The following GAPVD1 variants were observed in gnomAD, a reference collection of about 807,000 sequenced individuals.
GAPVD1 encodes GTPase activating protein and VPS9 domains 1, also known as GTPase-activating protein and VPS9 domain-containing protein 1.
A neutral mutation model predicts 155.5 loss-of-function variants in GAPVD1; 35 were observed. The ratio of observed to expected loss-of-function variants is 0.23; its 90% CI spans 0.17 to 0.30. The LOEUF (loss-of-function observed/expected upper bound fraction) is 0.30. Among genes scored for constraint, GAPVD1 ranks in the 10% least tolerant of loss-of-function variants. GAPVD1 has a pLI of 1.00. For synonymous variants in GAPVD1, 636 were observed against 619.7 expected (o/e 1.03, Z -0.39); for missense variants, 1,429 against 1,775.7 (o/e 0.80, Z 3.51).
chr9:125,282,202 C>CCAGGAGGCGGAGGTTG (rs1034520345), intron 2 of GAPVD1, among the ~76,000 whole-genome samples: 3 of 152,108 alleles, frequency 2.0e-5, no homozygotes, highest in Non-Finnish European at 4.4e-5. Context: ...TCACTTGAAC[C>CCAGGAGGCGGAGGTTG]CAGGAGGCGG....
intron 2 of GAPVD1, among the ~76,000 whole-genome samples, chr9:125,272,959 G>A (rs1031693304): frequency 1.9e-4 from 29 of 152,108 alleles, no homozygotes; most frequent in African/African-American, 7.0e-4. Context: ...TTGTGTACCC[G>A]CTGTATTTAT....
At chr9:125,269,901 T>G (rs1346829489) in intron 2 of GAPVD1, among the ~76,000 whole-genome samples, 1 of 151,384 alleles carries the variant, frequency 6.6e-6, no homozygotes, top group Non-Finnish European at 1.5e-5. Flanking sequence ...TTATTTTTAG[T>G]AGAGACGGGG....
Position 125,350,373 on chromosome 9 carries a change from G to A in GAPVD1, c.3378G>A (p.Arg1126=). Residue 1126 remains arginine, a synonymous_variant, in exon 22 of 28, where the codon AGG becomes AGA. Transcript: ENST00000297933. ...VAFPVLTHST[R]NGLPDHTDPE... Reference sequence around the variant, plus strand: ...TCCCAGTGCTGACCCATTCAACAAGGAATGGTTTACCAGACCACACAGACC... The same window carrying A: ...TCCCAGTGCTGACCCATTCAACAAGAAATGGTTTACCAGACCACACAGACC... 6.2e-7 allele frequency: 1 copy of A among 1,610,026 alleles called. No homozygotes were observed. The highest frequency in any genetic ancestry group is 8.5e-7 in the Non-Finnish European group (1 of 1,178,096).
intron 6 of GAPVD1, among the ~76,000 whole-genome samples, chr9:125,306,624 C>T (rs1250622743): frequency 6.6e-6 from 1 of 152,080 alleles, no homozygotes; most frequent in Non-Finnish European, 1.5e-5. Context: ...TCCCAAGTAG[C>T]TGGGACTGCA....
chr9:125,313,199 G>A (rs770635532), intron 9 of GAPVD1, among the ~76,000 whole-genome samples: 8 of 151,924 alleles, frequency 5.3e-5, no homozygotes, highest in Admixed American at 4.6e-4. Flanking sequence ...CCAAAGGCCC[G>A]ATCTCCAAAT....
Position 125,349,454 on chromosome 9 carries a change from G to T in GAPVD1, c.3234G>T (p.Ser1078=). Residue 1078 remains serine, a synonymous_variant, in exon 21 of 28, where the codon TCG becomes TCT. Coordinates refer to ENST00000297933, the MANE Select transcript of GAPVD1 (RefSeq NM_001282680.3). ...GTGACGAAGCACTGCAGAACATCTC[G>T]GCTGATGATCTCCCAGACTCTGCAA... ...SPRDEALQNI[S]ADDLPDSASQ... 1 of 1,613,446 alleles carries T rather than the reference G, an allele frequency of 6.2e-7. No homozygotes were observed. The highest frequency in any genetic ancestry group is 1.3e-5 in the African/African-American group (1 of 74,942).
intron 9 of GAPVD1, among the ~76,000 whole-genome samples, chr9:125,313,304 T>C (rs1001976182): frequency 1.3e-4 from 19 of 151,508 alleles, no homozygotes; most frequent in African/African-American, 4.6e-4. Context: ...TCTTTTTCTT[T>C]TTCTTTTTTT....
intron 2 of GAPVD1, among the ~76,000 whole-genome samples, chr9:125,294,138 C>G (rs1410708748): frequency 6.6e-6 from 1 of 151,000 alleles, no homozygotes; most frequent in Non-Finnish European, 1.5e-5. Flanking sequence ...AATCTCTTGA[C>G]CTCGTGATCC....
intron 17 of GAPVD1, among the ~76,000 whole-genome samples, chr9:125,338,043 T>G (rs954186507): frequency 1.3e-5 from 2 of 152,172 alleles, no homozygotes; most frequent in Non-Finnish European, 2.9e-5. Flanking sequence ...ACCCGGCTAA[T>G]TTTTTGCATT....
chr9:125,323,777 A>T, intron 10 of GAPVD1, 21 bp from the exon 11 acceptor site: 1 of 1,612,740 alleles, frequency 6.2e-7, no homozygotes, highest in Non-Finnish European at 8.5e-7. Flanking sequence ...AAGATTGCTC[A>T]CACTATAAAC....
At chr9:125,268,774 T>C (rs1401449067) in intron 1 of GAPVD1, among the ~76,000 whole-genome samples, 162 bp from the exon 2 acceptor site, 3 of 152,160 alleles carry the variant, frequency 2.0e-5, no homozygotes, top group Non-Finnish European at 2.9e-5. Flanking sequence ...GTTCAAGTAG[T>C]TCATCTGCCT....
chr9:125,284,641 G>T (rs1464429935), intron 2 of GAPVD1, among the ~76,000 whole-genome samples: 1 of 151,966 alleles, frequency 6.6e-6, no homozygotes, highest in Non-Finnish European at 1.5e-5. Context: ...TGCAGTCATG[G>T]GTCCTTAATG....
intron 15 of GAPVD1, chr9:125,335,032 C>G: frequency 4.1e-6 from 2 of 492,496 alleles, no homozygotes; most frequent in Non-Finnish European, 7.4e-6. Context: ...GATTTGGTTT[C>G]AAATTCTACC....
At chr9:125,284,939 T>C (rs1837402039) in intron 2 of GAPVD1, among the ~76,000 whole-genome samples, 3 of 152,228 alleles carry the variant, frequency 2.0e-5, no homozygotes, top group African/African-American at 4.8e-5. Flanking sequence ...AGTTTCACCA[T>C]GGTTGACTGA....
In GAPVD1 at chr9:125,360,554, A is replaced by G; in HGVS notation, c.4071A>G (p.Pro1357=). 1 of 1,614,066 alleles carries G rather than the reference A, an allele frequency of 6.2e-7. No homozygotes were observed. The highest frequency in any genetic ancestry group is 8.5e-7 in the Non-Finnish European group (1 of 1,179,946). ...TTTATCTTCGAGAAGCACCATGGCC[A>G]TCTGCACAATCAGAAATCAGGACAA... ...PEVYLREAPW[P]SAQSEIRTIS... is the part of the protein sequence containing the mutation. The change falls in exon 27 of 28, where the codon CCA becomes CCG. Residue 1357 remains proline (P), a synonymous_variant. Coordinates refer to ENST00000297933, the MANE Select transcript of GAPVD1 (RefSeq NM_001282680.3).
chr9:125,361,120 C>T (rs1850851132), intron 27 of GAPVD1, among the ~76,000 whole-genome samples: 2 of 152,194 alleles, frequency 1.3e-5, no homozygotes. Context: ...TCGCCCGCCT[C>T]AGCCTCCTGA....
chr9:125,287,385 A>G (rs1837874352), intron 2 of GAPVD1, among the ~76,000 whole-genome samples: 1 of 152,186 alleles, frequency 6.6e-6, no homozygotes, highest in East Asian at 1.9e-4. Flanking sequence ...AAAAAATGCA[A>G]AAATTAGCTG....
intron 19 of GAPVD1, chr9:125,346,608 T>G: frequency 1.7e-6 from 1 of 598,600 alleles, no homozygotes; most frequent in Non-Finnish European, 3.0e-6. Context: ...AAGGTGGAGC[T>G]ACTCTTCCCA....
intron 14 of GAPVD1, 118 bp from the exon 15 acceptor site, chr9:125,332,392 C>A: frequency 1.3e-6 from 1 of 758,912 alleles, no homozygotes; most frequent in Non-Finnish European, 2.2e-6. Context: ...ACTAAACTCA[C>A]ATGTATAGAA....
Sources: gnomAD v4.1 joint callset for allele counts (sites outside exome capture counted in the v4.1 genomes callset) on GRCh38, gnomAD v4.1.1 for gene constraint, MANE v1.5 for transcripts, NCBI Gene and HGNC (gene_info 2026-07-23, HGNC 2026-07-21) for gene names.